The following HYDIN variants were observed in gnomAD, a reference collection of about 807,000 sequenced individuals.
HYDIN encodes the protein HYDIN axonemal central pair apparatus protein.
HYDIN carries 132 observed loss-of-function variants against 403.9 expected under a neutral mutation model. That is an observed-to-expected ratio of 0.33 (90% confidence interval 0.28 to 0.38). The LOEUF (loss-of-function observed/expected upper bound fraction) is 0.38, where lower values mean the gene tolerates loss of function less well. Among genes scored for constraint, HYDIN ranks in the 10% least tolerant of loss-of-function variants. The pLI is 1.00. For missense variants in HYDIN, 2,827 were observed against 5,009.5 expected (o/e 0.56, Z 13.15); for synonymous variants, 1,202 against 1,891.7 (o/e 0.64, Z 9.46).
chr16:71,066,966 C>G (rs552498869), intron 15 of HYDIN: 44 of 684,092 alleles, frequency 6.4e-5, no homozygotes, highest in South Asian at 6.2e-4. Flanking sequence ...AAATGAGCAG[C>G]TCTTCACCTC....
chr16:70,931,010 A>C (rs1437676509), intron 45 of HYDIN, among the ~76,000 whole-genome samples: 1 of 152,140 alleles, frequency 6.6e-6, no homozygotes, highest in Non-Finnish European at 1.5e-5. Context: ...AGCTATTATA[A>C]CTATGATCAG....
At chr16:71,210,891 T>C (rs2088553040) in intron 1 of HYDIN, among the ~76,000 whole-genome samples, 1 of 152,142 alleles carries the variant, frequency 6.6e-6, no homozygotes. Flanking sequence ...TTTTTACAAA[T>C]TTATGTATAT....
At chr16:71,197,620 C>T (rs1359445829) in intron 1 of HYDIN, among the ~76,000 whole-genome samples, 2 of 152,118 alleles carry the variant, frequency 1.3e-5, no homozygotes, top group African/African-American at 2.4e-5. Flanking sequence ...TAATAATCAC[C>T]GAGGTTAAGA....
At chr16:70,954,428 G>C (rs1207467347) in intron 40 of HYDIN, among the ~76,000 whole-genome samples, 1 of 138,770 alleles carries the variant, frequency 7.2e-6, no homozygotes, top group East Asian at 2.1e-4. Flanking sequence ...ACTCCAGCTT[G>C]GGTGACAGAG....
At position 70,802,809 on chromosome 16, in the gene HYDIN, A is replaced by G. The variant is rs1432452072; in HGVS notation, c.*4771T>C. 1 of 152,244 alleles carries G rather than the reference A, an allele frequency of 6.6e-6. No individual in the cohort carries two copies. Among genetic ancestry groups the G allele is most frequent in the African/African-American group, 2.4e-5 (1 of 41,464 alleles). 9.4% of individuals were successfully genotyped at this position (152,244 alleles called of 1,614,324 possible). A position where few individuals can be genotyped will look rare whatever the true frequency, so the allele number is the denominator to read the frequency against. On this transcript the variant is annotated 3_prime_UTR_variant, in exon 86 of 86. Transcript: ENST00000393567. ...TCATGTCTAGAAAAATCCATAAAAA[A>G]TGTATTCTCCTATACAGGTGGGGTT...
At chr16:71,179,694 A>G (rs7187402) in intron 3 of HYDIN, among the ~76,000 whole-genome samples, 21,261 of 152,226 alleles carry the variant, frequency 0.14, 5,015 homozygotes, top group African/African-American at 0.48. Context: ...TTCCTGTTCT[A>G]TTTTGATTTT....
intron 9 of HYDIN, among the ~76,000 whole-genome samples, chr16:71,125,358 G>A (rs2084413426): frequency 6.6e-6 from 1 of 152,142 alleles, no homozygotes; most frequent in South Asian, 2.1e-4. Flanking sequence ...AACATGTTCA[G>A]AGCCAAACTC....
At chr16:70,977,159 T>C (rs1024244405) in intron 30 of HYDIN, among the ~76,000 whole-genome samples, 3 of 148,900 alleles carry the variant, frequency 2.0e-5, no homozygotes, top group Admixed American at 6.7e-5. Flanking sequence ...AGACACATCA[T>C]TGCGTCCAGT....
intron 1 of HYDIN, among the ~76,000 whole-genome samples, chr16:71,225,405 G>T (rs560566959): frequency 1.3e-5 from 2 of 152,170 alleles, no homozygotes; most frequent in Admixed American, 6.5e-5. Context: ...GTCATACCTA[G>T]GTAGAACACC....
chr16:70,887,208 A>C (rs1295838234), intron 58 of HYDIN, among the ~76,000 whole-genome samples: 6 of 152,204 alleles, frequency 3.9e-5, no homozygotes, highest in Non-Finnish European at 4.4e-5. Flanking sequence ...AATCTCTGGA[A>C]CCTGTGAATA....
In HYDIN at chr16:70,805,525, G is replaced by T. The variant is rs939775265; in HGVS notation, c.*2055C>A. ...TCTCAAGCCCCACCCAAATCTCCTA[G>T]ATCGGACTTCCTGAGGGTGGGGCTC... On this transcript the variant is annotated 3_prime_UTR_variant, in exon 86 of 86. Coordinates refer to ENST00000393567, the MANE Select transcript of HYDIN (RefSeq NM_001270974.2). Among the ~76,000 whole-genome samples, 1 of 152,210 alleles carries T rather than the reference G, an allele frequency of 6.6e-6. No individual in the cohort carries two copies. The highest frequency in any genetic ancestry group is 1.5e-5 in the Non-Finnish European group (1 of 68,028).
At chr16:71,218,945 C>T (rs2089041418) in intron 1 of HYDIN, among the ~76,000 whole-genome samples, 2 of 152,136 alleles carry the variant, frequency 1.3e-5, no homozygotes, top group South Asian at 4.1e-4. Flanking sequence ...GCTTCATAAA[C>T]ACAAATTTCT....
chr16:71,220,306 G>A (rs764543998), intron 1 of HYDIN, among the ~76,000 whole-genome samples: 1 of 152,016 alleles, frequency 6.6e-6, no homozygotes, highest in Admixed American at 6.6e-5. Flanking sequence ...ACTACTAAGG[G>A]GTAATAACTT....
chr16:71,023,183 C>A (rs1208346242), intron 21 of HYDIN, among the ~76,000 whole-genome samples: 1 of 151,980 alleles, frequency 6.6e-6, no homozygotes, highest in Admixed American at 6.6e-5. Flanking sequence ...AGCTTAATAA[C>A]TGTAGCAGGA....
chr16:71,056,212 T>A (rs955994406), intron 18 of HYDIN, among the ~76,000 whole-genome samples: 2 of 151,196 alleles, frequency 1.3e-5, no homozygotes, highest in Non-Finnish European at 2.9e-5. Flanking sequence ...TGGGAACTGT[T>A]GGTGGAGGCT....
intron 41 of HYDIN, among the ~76,000 whole-genome samples, chr16:70,951,691 TCTC>T (rs1310777560): frequency 6.6e-6 from 1 of 151,366 alleles, no homozygotes; most frequent in African/African-American, 2.4e-5. Context: ...ACATGACACT[TCTC>T]CAGGGGTTCC....
intron 76 of HYDIN, among the ~76,000 whole-genome samples, chr16:70,838,474 C>G (rs530020835): frequency 3.3e-4 from 50 of 152,214 alleles, no homozygotes; most frequent in Non-Finnish European, 5.7e-4. Context: ...TACAGGCCAC[C>G]GCGCCCAGCC....
At chr16:71,068,975 G>A (rs562757298) in intron 14 of HYDIN, among the ~76,000 whole-genome samples, 39 of 151,662 alleles carry the variant, frequency 2.6e-4, no homozygotes, top group Non-Finnish European at 4.7e-4. Flanking sequence ...TATTAGTACC[G>A]CTGGGAGTAC....
At chr16:70,993,304 C>T (rs1385011199) in intron 23 of HYDIN, among the ~76,000 whole-genome samples, 2 of 152,182 alleles carry the variant, frequency 1.3e-5, no homozygotes, top group Non-Finnish European at 1.5e-5. Flanking sequence ...GTTGTATACA[C>T]ATCTGTGGAA....
Sources: gnomAD v4.1 joint callset for allele counts (sites outside exome capture counted in the v4.1 genomes callset) on GRCh38, gnomAD v4.1.1 for gene constraint, MANE v1.5 for transcripts, NCBI Gene and HGNC (gene_info 2026-07-23, HGNC 2026-07-21) for gene names.